Variants in NRCAM observed in about 807,000 individuals in gnomAD.
The protein encoded by NRCAM is NgCAM-related cell adhesion molecule.
NRCAM carries 83 observed loss-of-function variants against 156.5 expected under a neutral mutation model. The ratio of observed to expected loss-of-function variants is 0.53; its 90% confidence interval spans 0.44 to 0.64. The LOEUF (loss-of-function observed/expected upper bound fraction) is 0.64. Among genes scored for constraint, NRCAM ranks in the 30% least tolerant of loss-of-function variants. NRCAM has a pLI of 0.00. For missense variants in NRCAM, 1,417 were observed against 1,597.3 expected (o/e 0.89, Z 1.92); for synonymous variants, 538 against 563.9 (o/e 0.95, Z 0.65).
At chr7:108,333,175 T>G (rs1456106226) in intron 2 of NRCAM, among the ~76,000 whole-genome samples, 1 of 152,210 alleles carries the variant, frequency 6.6e-6, no homozygotes, top group Non-Finnish European at 1.5e-5. Context: ...AAGTTTCCAT[T>G]GCTATAGCAA....
At position 108,159,560 on chromosome 7, in the gene NRCAM, G is replaced by A. The variant is rs2047577400; in HGVS notation, c.3599-19C>T. The A allele has an allele frequency of 6.3e-7, 1 of 1,585,334 alleles. No individual in the cohort carries two copies. Among genetic ancestry groups the A allele is most frequent in the Non-Finnish European group, 8.7e-7 (1 of 1,154,800 alleles). ...TCTTTAACTAAAAAATGCCAAAATG[G>A]TATTATTATCTGTTGATCCTGTTCT... On this transcript the variant is annotated intron_variant, in intron 31 of 32. Transcript: ENST00000379028.
intron 2 of NRCAM, among the ~76,000 whole-genome samples, chr7:108,340,559 G>A (rs183863038): frequency 2.6e-5 from 4 of 152,178 alleles, no homozygotes; most frequent in Non-Finnish European, 2.9e-5. Context: ...GAAAGAGAAC[G>A]ATTGCCCACA....
intron 2 of NRCAM, among the ~76,000 whole-genome samples, chr7:108,361,436 G>A (rs2099549970): frequency 6.6e-6 from 1 of 152,194 alleles, no homozygotes; most frequent in South Asian, 2.1e-4. Context: ...CCTCCCTAAT[G>A]TGGCAGGCTT....
intron 20 of NRCAM, among the ~76,000 whole-genome samples, chr7:108,186,015 C>T (rs1034494517): frequency 1.1e-4 from 16 of 152,200 alleles, no homozygotes; most frequent in African/African-American, 3.9e-4. Flanking sequence ...TTTTTCAGTG[C>T]ATACCCTCTG....
chr7:108,256,092 C>T (rs1419913444), intron 3 of NRCAM, among the ~76,000 whole-genome samples: 5 of 151,330 alleles, frequency 3.3e-5, no homozygotes, highest in Non-Finnish European at 7.4e-5. Context: ...GTGAGGAGCC[C>T]CTCTGCCCGG....
chr7:108,355,242 A>T (rs903491035), intron 2 of NRCAM, among the ~76,000 whole-genome samples: 1 of 152,240 alleles, frequency 6.6e-6, no homozygotes, highest in Admixed American at 6.5e-5. Flanking sequence ...AATATGATGG[A>T]AAGATTAAGA....
chr7:108,337,899 T>G (rs1178479742), intron 2 of NRCAM, among the ~76,000 whole-genome samples: 1 of 152,218 alleles, frequency 6.6e-6, no homozygotes, highest in African/African-American at 2.4e-5. Flanking sequence ...TCACTTGCTA[T>G]TCTGTCCTAT....
chr7:108,263,628 A>G (rs576509971), intron 3 of NRCAM, among the ~76,000 whole-genome samples: 29 of 152,326 alleles, frequency 1.9e-4, no homozygotes, highest in African/African-American at 7.0e-4. Flanking sequence ...CCTTACCCCT[A>G]CCATGAGTGC....
chr7:108,452,703 T>G (rs1332938764), intron 1 of NRCAM, among the ~76,000 whole-genome samples: 1 of 152,256 alleles, frequency 6.6e-6, no homozygotes, highest in African/African-American at 2.4e-5. Context: ...TAAAGCAGTC[T>G]TTTGATTCAA....
At chr7:108,336,320 GCACC>G (rs2099189918) in intron 2 of NRCAM, among the ~76,000 whole-genome samples, 1 of 152,128 alleles carries the variant, frequency 6.6e-6, no homozygotes, top group African/African-American at 2.4e-5. Flanking sequence ...CCATTTGTAT[GCACC>G]CAGAAGAATG....
intron 3 of NRCAM, among the ~76,000 whole-genome samples, chr7:108,259,835 G>A (rs2096825520): frequency 6.6e-6 from 1 of 152,106 alleles, no homozygotes; most frequent in African/African-American, 2.4e-5. Flanking sequence ...ACACACTGGG[G>A]CCTGTCGGCG....
At chr7:108,358,977 A>T (rs977987234) in intron 2 of NRCAM, among the ~76,000 whole-genome samples, 2 of 152,242 alleles carry the variant, frequency 1.3e-5, no homozygotes, top group Non-Finnish European at 2.9e-5. Context: ...TATGTCTATA[A>T]GCTCAGGACC....
At chr7:108,294,887 T>C (rs1308878217) in intron 3 of NRCAM, among the ~76,000 whole-genome samples, 1 of 152,200 alleles carries the variant, frequency 6.6e-6, no homozygotes, top group African/African-American at 2.4e-5. Context: ...CCATTCTTGT[T>C]CAGTTTCCTG....
chr7:108,279,350 A>C (rs1430175892), intron 3 of NRCAM, among the ~76,000 whole-genome samples: 1 of 152,160 alleles, frequency 6.6e-6, no homozygotes, highest in African/African-American at 2.4e-5. Context: ...TTTGTGTTTC[A>C]TAATTGTTGT....
intron 3 of NRCAM, among the ~76,000 whole-genome samples, chr7:108,249,330 C>G (rs971520658): frequency 6.6e-6 from 1 of 152,206 alleles, no homozygotes; most frequent in Non-Finnish European, 1.5e-5. Context: ...ACAAACCAAA[C>G]AGCTGAAAAT....
In NRCAM at chr7:108,191,301, A is replaced by G. The variant is rs1467473932; in HGVS notation, c.1904-18T>C. On this transcript the variant is annotated intron_variant, in intron 18 of 32. Transcript: ENST00000379028. ...AGTAGGAGCTAGAAAGGACATTAAT[A>G]TAAAGGATTTTAATCAAAATTAGTA... is the stretch of plus-strand genomic sequence containing the variant. The G allele has an allele frequency of 6.3e-7, 1 of 1,583,290 alleles. No individual in the cohort carries two copies.
Position 108,204,607 on chromosome 7 carries a change from C to T in NRCAM, c.1207+2921G>A, listed in dbSNP as rs558023806. Reference sequence around the variant, plus strand: ...GCACCACGGAGCGGCCTGGTGGTGCCGGGCTCCTTGCTTTGCTGCCACACC... The same window carrying T: ...GCACCACGGAGCGGCCTGGTGGTGCTGGGCTCCTTGCTTTGCTGCCACACC... On this transcript the variant is annotated intron_variant, in intron 13 of 32. Coordinates refer to ENST00000379028, the MANE Select transcript of NRCAM (RefSeq NM_001037132.4). Among the ~76,000 whole-genome samples the T allele has an allele frequency of 7.2e-5, 11 of 152,330 alleles. No homozygotes were observed. In the East Asian group the frequency reaches 1.4e-3, roughly 19 times the overall value.
intron 1 of NRCAM, among the ~76,000 whole-genome samples, chr7:108,449,833 TAAATC>T (rs1848344062): frequency 6.6e-6 from 1 of 152,124 alleles, no homozygotes; most frequent in South Asian, 2.1e-4. Context: ...TTGAGAAAGA[TAAATC>T]AAATTCATTG....
At chr7:108,283,992 A>C (rs770060423) in intron 3 of NRCAM, among the ~76,000 whole-genome samples, 2 of 151,970 alleles carry the variant, frequency 1.3e-5, no homozygotes, top group Non-Finnish European at 2.9e-5. Context: ...TTACAGGCAC[A>C]CACCACCAAA....
Sources: gnomAD v4.1 joint callset for allele counts (sites outside exome capture counted in the v4.1 genomes callset) on GRCh38, gnomAD v4.1.1 for gene constraint, MANE v1.5 for transcripts, NCBI Gene and HGNC (gene_info 2026-07-23, HGNC 2026-07-21) for gene names.